Variants in BTG4 observed in about 807,000 individuals in gnomAD.
The protein encoded by BTG4 is BTG anti-proliferation factor 4.
A neutral mutation model predicts 19.3 loss-of-function variants in BTG4; 10 were observed. That is an observed-to-expected ratio of 0.52 (90% confidence interval 0.32 to 0.88). BTG4 has a LOEUF of 0.88. BTG4 is among the 40% of genes least tolerant of loss of function. The pLI is 0.04. For missense variants in BTG4, 238 were observed against 281.9 expected, an observed-to-expected ratio of 0.84 and a Z score of 1.11; for synonymous variants, 91 against 95.7, an observed-to-expected ratio of 0.95 and a Z score of 0.29.
chr11:111,507,286 C>T (rs1185599871), intron 1 of BTG4, among the ~76,000 whole-genome samples: 1 of 152,144 alleles, frequency 6.6e-6, no homozygotes, highest in Non-Finnish European at 1.5e-5. Context: ...TATTAACTTT[C>T]TTCAGCTGTG....
chr11:111,494,841 A>C lies in BTG4; in HGVS notation c.*294T>G. The C allele has an allele frequency of 5.9e-5, 57 of 958,582 alleles. No homozygotes were observed. Among genetic ancestry groups the C allele is most frequent in the South Asian group, 1.4e-4 (3 of 20,748 alleles). 59.4% of individuals were successfully genotyped at this position (958,582 alleles called of 1,614,324 possible). On this transcript the variant is annotated 3_prime_UTR_variant, in exon 5 of 5. Coordinates refer to ENST00000692032, the MANE Select transcript of BTG4 (RefSeq NM_001367975.1). Reference sequence around the variant, plus strand: ...ATTAAAAACACTGTACGTTTATTTAAACCATTACTTTTCATAATTCATTGA... The same window carrying C: ...ATTAAAAACACTGTACGTTTATTTACACCATTACTTTTCATAATTCATTGA...
intron 1 of BTG4, among the ~76,000 whole-genome samples, chr11:111,511,263 G>A (rs1182838527): frequency 2.0e-5 from 3 of 152,182 alleles, no homozygotes; most frequent in Non-Finnish European, 4.4e-5. Context: ...ACTATGGGGT[G>A]TACAGAACAA....
Position 111,497,221 on chromosome 11 carries a change from C to T in BTG4, c.500G>A (p.Ser167Asn), listed in dbSNP as rs748631356. The change falls in exon 4 of 5, where the codon AGT becomes AAT. Residue 167 changes from serine (S) to asparagine (N), a missense_variant. By Grantham distance (46) the Ser-to-Asn change is conservative. Transcript: ENST00000692032. ...RVIPKVSNPK[S>N]IYQVENLKQP... ...TGGAACACTCTTGACCTGATAAATA[C>T]TCTTCGGATTGCTGACTTTAGGAAT... 2 of 1,613,120 alleles carry T rather than the reference C, an allele frequency of 1.2e-6. No individual in the cohort carries two copies. Among genetic ancestry groups the T allele is most frequent in the Admixed American group, 1.7e-5 (1 of 59,904 alleles).
the BTG4 span, among the ~76,000 whole-genome samples, chr11:111,448,929 C>A: frequency 6.6e-5 from 10 of 152,038 alleles, no homozygotes; most frequent in Admixed American, 6.5e-4. Context: ...ACTGGGTGAC[C>A]TGTGTTTTCA....
At chr11:111,412,962 G>GTCTTGTGACAC in the BTG4 span, among the ~76,000 whole-genome samples, 1 of 152,230 alleles carries the variant, frequency 6.6e-6, no homozygotes, top group Non-Finnish European at 1.5e-5. Flanking sequence ...TTTTAAGAGA[G>GTCTTGTGACAC]TCTTGTGACA....
chr11:111,391,319 C>T, the BTG4 span, among the ~76,000 whole-genome samples: 1 of 152,180 alleles, frequency 6.6e-6, no homozygotes, highest in Non-Finnish European at 1.5e-5. Flanking sequence ...CCAACACACC[C>T]ATTTTCTGTC....
chr11:111,505,363 A>G (rs537133284), intron 1 of BTG4, among the ~76,000 whole-genome samples: 1 of 152,180 alleles, frequency 6.6e-6, no homozygotes, highest in South Asian at 2.1e-4. Context: ...AACAGAAATA[A>G]ACAATGGGAA....
the BTG4 span, among the ~76,000 whole-genome samples, chr11:111,446,459 C>A: frequency 6.6e-6 from 1 of 152,182 alleles, no homozygotes; most frequent in Non-Finnish European, 1.5e-5. Flanking sequence ...AAGGCAGAAT[C>A]TTGGGCCCCA....
At chr11:111,468,257 G>C (rs1863839958) in intron 5 of BTG4, among the ~76,000 whole-genome samples, 1 of 152,242 alleles carries the variant, frequency 6.6e-6, no homozygotes, top group Admixed American at 6.5e-5. Context: ...AAATAGACGA[G>C]AATTTAATCC....
chr11:111,395,666 T>C, the BTG4 span, among the ~76,000 whole-genome samples: 13 of 152,228 alleles, frequency 8.5e-5, no homozygotes, highest in African/African-American at 3.1e-4. Context: ...AATATAAAGC[T>C]GATACAAAAG....
chr11:111,482,741 T>G (rs745616145), intron 5 of BTG4, among the ~76,000 whole-genome samples: 3 of 151,534 alleles, frequency 2.0e-5, no homozygotes, highest in Non-Finnish European at 2.9e-5. Flanking sequence ...TGGATATTCA[T>G]AGAGGAGAAA....
At chr11:111,467,558 C>A in exon 6 of BTG4, 2 of 680,680 alleles carry the variant, frequency 2.9e-6, no homozygotes, top group Admixed American at 2.6e-5. Context: ...TCTTTTCAGG[C>A]TCCAGAAATC....
intron 4 of BTG4, among the ~76,000 whole-genome samples, 159 bp from the exon 5 acceptor site, chr11:111,495,473 G>A (rs1865666769): frequency 1.3e-5 from 2 of 152,142 alleles, no homozygotes. Flanking sequence ...GCACTTGGCG[G>A]GAACATAAAT....
the BTG4 span, among the ~76,000 whole-genome samples, chr11:111,393,150 G>A: frequency 6.6e-6 from 1 of 152,154 alleles, no homozygotes; most frequent in Non-Finnish European, 1.5e-5. Flanking sequence ...ATGCTATCTG[G>A]ATCTCCCCCA....
chr11:111,455,372 G>T, the BTG4 span: 1 of 265,102 alleles, frequency 3.8e-6, no homozygotes. Context: ...AGGCAGGGTT[G>T]TCTCTGACCC....
intron 5 of BTG4, among the ~76,000 whole-genome samples, chr11:111,478,708 T>A (rs1768323313): frequency 6.6e-6 from 1 of 151,952 alleles, no homozygotes. Context: ...ATGAAAAATG[T>A]AAAAACTAAA....
chr11:111,483,315 CA>C, intron 5 of BTG4, among the ~76,000 whole-genome samples: 1 of 152,154 alleles, frequency 6.6e-6, no homozygotes, highest in Admixed American at 6.5e-5. Context: ...CTTCAATGCC[CA>C]AACATTGATG....
chr11:111,394,172 C>T, the BTG4 span, among the ~76,000 whole-genome samples: 2 of 152,212 alleles, frequency 1.3e-5, no homozygotes, highest in Non-Finnish European at 2.9e-5. Context: ...GAACATTAGG[C>T]ATGGGGAAGA....
chr11:111,441,381 C>G, the BTG4 span, among the ~76,000 whole-genome samples: 1 of 152,016 alleles, frequency 6.6e-6, no homozygotes, highest in Admixed American at 6.5e-5. Context: ...AGCGGCTCCT[C>G]CGAGAGAGAG....
Sources: allele counts gnomAD v4.1 joint callset (sites outside exome capture counted in the v4.1 genomes callset), GRCh38; gene constraint gnomAD v4.1.1; transcripts MANE v1.5; gene names NCBI Gene and HGNC (gene_info 2026-07-23, HGNC 2026-07-21).